ZNF333: variants seen among roughly 807,000 people sequenced by gnomAD.
The protein encoded by ZNF333 is zinc finger protein 333.
A neutral mutation model predicts 76.1 loss-of-function variants in ZNF333; 61 were observed. The observed-to-expected ratio is 0.80, with a 90% CI of 0.65 to 0.99. The LOEUF (loss-of-function observed/expected upper bound fraction) is 0.99. Among genes scored for constraint, ZNF333 ranks in the 50% least tolerant of loss-of-function variants. The pLI, the probability that ZNF333 is intolerant of heterozygous loss-of-function variation, is 0.00. For synonymous variants in ZNF333, 284 were observed against 305.0 expected, an observed-to-expected ratio of 0.93 and a Z score of 0.72; for missense variants, 717 against 822.4, an observed-to-expected ratio of 0.87 and a Z score of 1.57.
At chr19:14,722,680 A>G (rs968192649), downstream of ZNF333, among the ~76,000 whole-genome samples, 6 of 152,170 alleles carry the variant, frequency 3.9e-5, no homozygotes, top group African/African-American at 1.4e-4. Context: ...TTGCAAATCT[A>G]ATGTCGTGAG....
At chr19:14,703,064 C>T (rs10414621) in intron 5 of ZNF333, among the ~76,000 whole-genome samples, 4,772 of 151,824 alleles carry the variant, frequency 0.031, 246 homozygotes, top group African/African-American at 0.099. Context: ...ATTAGCCGGG[C>T]GTGGTGGCGG....
At chr19:14,716,309 A>G in intron 9 of ZNF333, 71 bp downstream of exon 9, 1 of 1,538,364 alleles carries the variant, frequency 6.5e-7, no homozygotes, top group Non-Finnish European at 8.7e-7. Context: ...CCTAGGCTGG[A>G]GTGTGATGGC....
intron 4 of ZNF333, among the ~76,000 whole-genome samples, chr19:14,696,897 C>A (rs1163495228): frequency 2.6e-5 from 4 of 152,046 alleles, no homozygotes; most frequent in Non-Finnish European, 5.9e-5. Context: ...CACCACCACA[C>A]CCGGCTAATT....
chr19:14,689,970 T>C (rs931274315), upstream of ZNF333: 1 of 152,326 alleles, frequency 6.6e-6, no homozygotes, highest in African/African-American at 2.4e-5. Context: ...CGTTAGTTTC[T>C]CTGCCGCCGC....
At chr19:14,708,269 A>C (rs1041891353) in intron 7 of ZNF333, 1 of 399,752 alleles carries the variant, frequency 2.5e-6, no homozygotes, top group Non-Finnish European at 4.4e-6. Context: ...CGGCCTCCCA[A>C]AGTGCTGGGA....
chr19:14,715,368 C>G lies in ZNF333; in HGVS notation c.512-14C>G, dbSNP rs563531221. The G allele has an allele frequency of 9.3e-6, 15 of 1,613,182 alleles. No homozygotes were observed. The South Asian group carries it at 1.5e-4, about 17-fold the overall frequency. On this transcript the variant is annotated splice_polypyrimidine_tract_variant and intron_variant, in intron 7 of 11. Coordinates refer to ENST00000292530, the MANE Select transcript of ZNF333 (RefSeq NM_032433.4). ...CCAGGCACCAACCCTCATGCCTCTT[C>G]CCTTCTCCCCTAGCTGTGCCTGCAC...
At chr19:14,722,567 AC>A (rs2042602269), downstream of ZNF333, among the ~76,000 whole-genome samples, 1 of 152,104 alleles carries the variant, frequency 6.6e-6, no homozygotes, top group Non-Finnish European at 1.5e-5. Context: ...TTACCTTTTT[AC>A]TTTATTAATT....
chr19:14,699,839 C>A (rs573420792), intron 5 of ZNF333, among the ~76,000 whole-genome samples: 3 of 152,232 alleles, frequency 2.0e-5, no homozygotes, highest in Non-Finnish European at 4.4e-5. Flanking sequence ...GGTAGAGAAG[C>A]CCCATTGTGA....
intron 10 of ZNF333, 53 bp downstream of exon 10, chr19:14,717,142 C>A: frequency 6.7e-7 from 1 of 1,498,766 alleles, no homozygotes; most frequent in South Asian, 1.2e-5. Context: ...AGGGGAGTGT[C>A]CAGTTTGGAA....
At chr19:14,695,876 A>G (rs1001434973) in intron 4 of ZNF333, among the ~76,000 whole-genome samples, 22 of 152,090 alleles carry the variant, frequency 1.4e-4, no homozygotes, top group African/African-American at 5.3e-4. Flanking sequence ...ATTTGTTCTA[A>G]TTTCTCTTAA....
chr19:14,707,549 C>CTTTTTTTT (rs751633025), intron 7 of ZNF333, among the ~76,000 whole-genome samples: 16 of 115,674 alleles, frequency 1.4e-4, no homozygotes, highest in South Asian at 2.8e-4. Context: ...AGCTTTGTTT[C>CTTTTTTTT]TTTTTTTTTT....
At chr19:14,704,974 C>G (rs1482654495) in intron 5 of ZNF333, 80 bp from the exon 6 acceptor site, 1 of 1,423,418 alleles carries the variant, frequency 7.0e-7, no homozygotes, top group Non-Finnish European at 9.7e-7. Context: ...AGCCCTAAGC[C>G]CCAAACCAAA....
At chr19:14,715,686 A>G (rs1278141110) in intron 8 of ZNF333, among the ~76,000 whole-genome samples, 1 of 152,120 alleles carries the variant, frequency 6.6e-6, no homozygotes, top group Non-Finnish European at 1.5e-5. Context: ...AGGGAAAACA[A>G]AGCAAGGATG....
chr19:14,731,105 A>T, intron 11 of ZNF333: 1 of 1,099,438 alleles, frequency 9.1e-7, no homozygotes, highest in Non-Finnish European at 1.3e-6. Context: ...CCCCCCAAGG[A>T]TTGGCCCCTT....
chr19:14,725,826 G>A (rs569461254), downstream of ZNF333, among the ~76,000 whole-genome samples: 1 of 152,336 alleles, frequency 6.6e-6, no homozygotes, highest in African/African-American at 2.4e-5. Context: ...ATGGGTTGGA[G>A]TTGAGTGCCT....
At chr19:14,690,644 A>C (rs1008822324) in intron 1 of ZNF333, among the ~76,000 whole-genome samples, 1 of 152,244 alleles carries the variant, frequency 6.6e-6, no homozygotes, top group Non-Finnish European at 1.5e-5. Flanking sequence ...TACTTAAAAA[A>C]TTGAATGCAT....
chr19:14,696,363 C>T (rs888774853), intron 4 of ZNF333, among the ~76,000 whole-genome samples: 5 of 152,276 alleles, frequency 3.3e-5, no homozygotes, highest in African/African-American at 1.2e-4. Context: ...TCCCTCAGCC[C>T]CTGGCAGCCA....
intron 11 of ZNF333, among the ~76,000 whole-genome samples, chr19:14,727,172 T>C (rs1262270704): frequency 3.3e-5 from 5 of 151,804 alleles, no homozygotes; most frequent in South Asian, 2.1e-4. Context: ...GGACTACAGG[T>C]GTCCGCCACC....
intron 11 of ZNF333, among the ~76,000 whole-genome samples, chr19:14,727,280 G>T (rs1472338041): frequency 6.6e-6 from 1 of 152,014 alleles, no homozygotes; most frequent in South Asian, 2.1e-4. Context: ...CGCCCGCCTT[G>T]GCCTCCCAAA....
Sources: allele counts gnomAD v4.1 joint callset (sites outside exome capture counted in the v4.1 genomes callset), GRCh38; gene constraint gnomAD v4.1.1; transcripts MANE v1.5; gene names NCBI Gene and HGNC (gene_info 2026-07-23, HGNC 2026-07-21).